The following GOLGA5 variants were observed in gnomAD, a reference collection of about 807,000 sequenced individuals.
GOLGA5 encodes golgin subfamily A member 5.
In GOLGA5, 50 loss-of-function variants were observed where a neutral mutation model predicts 93.5. That is an observed-to-expected ratio of 0.53 (90% confidence interval 0.43 to 0.68). The LOEUF is 0.68. GOLGA5 is among the 30% of genes least tolerant of loss of function. The probability of loss-of-function intolerance (pLI) is 0.00; values close to 1 mark genes in which losing one functional copy is unlikely to be tolerated. For missense variants in GOLGA5, 760 were observed against 856.4 expected, an observed-to-expected ratio of 0.89 and a Z score of 1.40; for synonymous variants, 312 against 304.5, an observed-to-expected ratio of 1.02 and a Z score of -0.26.
At chr14:92,815,696 A>C (rs1021977332) in intron 6 of GOLGA5, among the ~76,000 whole-genome samples, 3 of 132,444 alleles carry the variant, frequency 2.3e-5, no homozygotes, top group Non-Finnish European at 4.7e-5. Flanking sequence ...AATTTTTTTT[A>C]ATCTTTTTTT....
chr14:92,794,855 C>T (rs2140307815), intron 1 of GOLGA5, among the ~76,000 whole-genome samples: 1 of 151,016 alleles, frequency 6.6e-6, no homozygotes, highest in African/African-American at 2.4e-5. Context: ...GAAGCAGGCC[C>T]TGCCGCAGCC....
intron 9 of GOLGA5, among the ~76,000 whole-genome samples, chr14:92,830,148 G>A (rs538556838): frequency 5.9e-5 from 9 of 152,176 alleles, no homozygotes; most frequent in Admixed American, 1.3e-4. Flanking sequence ...GTGAAACCCC[G>A]TCTCTACTAA....
Position 92,834,195 on chromosome 14 carries a change from T to TA in GOLGA5, c.1945+849dup, listed in dbSNP as rs1555406069. ...CTTTTAGGTTTCACCTTTTTTTTTT[T>TA]ATTTTATTTTTTTATTATTATTATA... On this transcript the variant is annotated intron_variant, in intron 10 of 12. Transcript: ENST00000163416. 5.8e-4 allele frequency among the ~76,000 whole-genome samples: 86 copies of TA among 147,952 alleles called. 1 individual carries two copies. Among genetic ancestry groups the TA allele is most frequent in the East Asian group, 2.6e-3 (13 of 5,082 alleles).
chr14:92,822,766 C>T (rs4904990), intron 8 of GOLGA5, among the ~76,000 whole-genome samples: 84,560 of 151,834 alleles, frequency 0.56, 24,062 homozygotes, highest in East Asian at 0.65. Flanking sequence ...AAGCAATTCT[C>T]CTGCCTCAGC....
intron 2 of GOLGA5, among the ~76,000 whole-genome samples, chr14:92,798,581 CGTG>C (rs1413120586): frequency 6.6e-6 from 1 of 152,202 alleles, no homozygotes; most frequent in African/African-American, 2.4e-5. Flanking sequence ...ATGAGATTAA[CGTG>C]GTAAATGTGG....
intron 10 of GOLGA5, 131 bp downstream of exon 10, chr14:92,833,478 C>A: frequency 1.5e-6 from 1 of 657,648 alleles, no homozygotes; most frequent in South Asian, 1.8e-5. Context: ...AGACCTGGGC[C>A]ACGTACTGTT....
intron 7 of GOLGA5, among the ~76,000 whole-genome samples, chr14:92,817,292 C>G (rs1024777697): frequency 1.3e-5 from 2 of 152,116 alleles, no homozygotes; most frequent in African/African-American, 4.8e-5. Flanking sequence ...AAAAACAGAT[C>G]AATTCATTCA....
intron 7 of GOLGA5, 110 bp downstream of exon 7, chr14:92,816,531 C>T (rs1285914673): frequency 6.1e-6 from 4 of 656,936 alleles, no homozygotes; most frequent in South Asian, 2.0e-5. Context: ...CGCTTCTCTT[C>T]GCTTCGCTTC....
chr14:92,819,977 A>C, intron 8 of GOLGA5, 141 bp downstream of exon 8: 40 of 732,280 alleles, frequency 5.5e-5, no homozygotes, highest in Non-Finnish European at 7.6e-5. Flanking sequence ...TTCCCATCTC[A>C]TCTGAAGGGG....
At chr14:92,799,491 A>G (rs1884816200) in intron 2 of GOLGA5, among the ~76,000 whole-genome samples, 1 of 134,562 alleles carries the variant, frequency 7.4e-6, no homozygotes, top group Non-Finnish European at 1.6e-5. Flanking sequence ...TTTCACTGTT[A>G]GCCAGGAGGC....
Position 92,833,358 on chromosome 14 carries a change from A to C in GOLGA5, c.1945+11A>C. ...TTGACAATGGTGAAGGTAATCAAAA[A>C]AGGAATCTCAAAAGAACATTTCATT... is the stretch of plus-strand genomic sequence containing the variant. On this transcript the variant is annotated intron_variant, in intron 10 of 12. Transcript: ENST00000163416. 6.7e-7 allele frequency: 1 copy of C among 1,484,032 alleles called. No homozygotes were observed. The highest frequency in any genetic ancestry group is 9.4e-7 in the Non-Finnish European group (1 of 1,061,736). 91.9% of individuals were successfully genotyped at this position (1,484,032 alleles called of 1,614,324 possible).
rs976686210 is a variant in GOLGA5, at chr14:92,810,338, C to A, written c.1077C>A (p.Ala359=). 36 of 1,608,944 alleles carry A rather than the reference C, an allele frequency of 2.2e-5. No homozygotes were observed. The highest frequency in any genetic ancestry group is 2.9e-5 in the Non-Finnish European group (34 of 1,177,386). The change falls in exon 5 of 13, where the codon GCC becomes GCA. Residue 359 remains alanine (A), a synonymous_variant. Transcript: ENST00000163416. ...AGGAGAGACTGCATGAAGCGGATGC[C>A]ACTCTGAAGAGAGAGCAGGAGAGCT... is the stretch of plus-strand genomic sequence containing the variant. ...TFQERLHEAD[A]TLKREQESYK... is the part of the protein sequence containing the mutation.
intron 7 of GOLGA5, among the ~76,000 whole-genome samples, chr14:92,817,970 C>T (rs1450981523): frequency 6.6e-6 from 1 of 151,962 alleles, no homozygotes; most frequent in Non-Finnish European, 1.5e-5. Context: ...TAAATAATAG[C>T]TGCTATTATT....
chr14:92,834,184 C>CTTTTTTTTTTTTTTTTTTTTTTTTTT (rs35449807), intron 10 of GOLGA5, among the ~76,000 whole-genome samples: 12 of 135,044 alleles, frequency 8.9e-5, no homozygotes, highest in Non-Finnish European at 1.5e-4. Flanking sequence ...TAGGTTTCAC[C>CTTTTTTTTTTTTTTTTTTTTTTTTTT]TTTTTTTTTT....
In GOLGA5 at chr14:92,814,111, A is replaced by G. The variant is rs187613907; in HGVS notation, c.1321-2140A>G. Among the ~76,000 whole-genome samples, 2 of 152,286 alleles carry G rather than the reference A, an allele frequency of 1.3e-5. 1 individual carries two copies. The highest frequency in any genetic ancestry group is 3.9e-4 in the East Asian group (2 of 5,188). On this transcript the variant is annotated intron_variant, in intron 6 of 12. Coordinates refer to ENST00000163416, the MANE Select transcript of GOLGA5 (RefSeq NM_005113.4). ...AAAATTGATGCAACATTGAGGTGACAATGTTAGAAAGGTAATTAGAAGTAA... is the reference window on the plus strand; with the variant it reads ...AAAATTGATGCAACATTGAGGTGACGATGTTAGAAAGGTAATTAGAAGTAA...
rs141963625 is a variant in GOLGA5 at position 92,797,845 on chromosome 14, G to C, written c.408G>C (p.Gly136=). 1 of 1,614,064 alleles carries C rather than the reference G, an allele frequency of 6.2e-7. No individual in the cohort carries two copies. Among genetic ancestry groups the C allele is most frequent in the Non-Finnish European group, 8.5e-7 (1 of 1,179,940 alleles). The change falls in exon 2 of 13, where the codon GGG becomes GGC. Residue 136 remains glycine, a synonymous_variant. Coordinates refer to ENST00000163416, the MANE Select transcript of GOLGA5 (RefSeq NM_005113.4). The stretch of plus-strand genomic sequence containing the variant: ...ATAGTTCACAGAAGGAGCCTACCGG[G>C]AGGGTGGAAATCAGAAAGGAAAAAG... The part of the protein sequence containing the change: ...FLNSSQKEPT[G]RVEIRKEKGK...
intron 2 of GOLGA5, among the ~76,000 whole-genome samples, chr14:92,803,147 C>T (rs965066964): frequency 1.6e-4 from 25 of 152,230 alleles, no homozygotes; most frequent in African/African-American, 5.8e-4. Flanking sequence ...GCAATCCTCC[C>T]ACCTCAGCCT....
intron 8 of GOLGA5, among the ~76,000 whole-genome samples, chr14:92,820,629 G>A (rs547251713): frequency 6.6e-6 from 1 of 152,288 alleles, no homozygotes; most frequent in East Asian, 1.9e-4. Context: ...GCTATCACAT[G>A]GGGAGAAACC....
chr14:92,819,857 A>G, intron 8 of GOLGA5, 21 bp downstream of exon 8: 1 of 1,610,346 alleles, frequency 6.2e-7, no homozygotes, highest in Non-Finnish European at 8.5e-7. Context: ...GAGATTGATG[A>G]CTTCTGAGAC....
Sources: gnomAD v4.1 joint callset for allele counts (sites outside exome capture counted in the v4.1 genomes callset) on GRCh38, gnomAD v4.1.1 for gene constraint, MANE v1.5 for transcripts, NCBI Gene and HGNC (gene_info 2026-07-23, HGNC 2026-07-21) for gene names.